The following SLC14A2 variants were observed in gnomAD, a reference collection of about 807,000 sequenced individuals.
SLC14A2 encodes solute carrier family 14 member 2.
Under a neutral mutation model 104.6 loss-of-function variants are expected in SLC14A2, and 91 were observed. The ratio of observed to expected loss-of-function variants is 0.87; its 90% confidence interval spans 0.73 to 1.04. The LOEUF is 1.04. Among genes scored for constraint, SLC14A2 ranks in the 50% least tolerant of loss-of-function variants. The pLI is 0.00. For synonymous variants in SLC14A2, 476 were observed against 466.4 expected, an observed-to-expected ratio of 1.02 and a Z score of -0.27; for missense variants, 1,189 against 1,156.0, an observed-to-expected ratio of 1.03 and a Z score of -0.41.
chr18:45,667,325 C>T (rs1444313014), intron 13 of SLC14A2, among the ~76,000 whole-genome samples: 2 of 152,158 alleles, frequency 1.3e-5, no homozygotes, highest in African/African-American at 4.8e-5. Context: ...GCTCTCATTT[C>T]TGAACAGAAC....
chr18:45,663,919 C>T lies in SLC14A2; in HGVS notation c.1474+12C>T. 6.2e-7 allele frequency: 1 copy of T among 1,604,604 alleles called. No individual in the cohort carries two copies. Among genetic ancestry groups the T allele is most frequent in the Non-Finnish European group, 8.5e-7 (1 of 1,175,166 alleles). ...GAGGAGGAGCAAAGGTGTGCATGTC[C>T]TCCCCCTCACGCTTGGATCCCTGCC... On this transcript the variant is annotated intron_variant, in intron 11 of 19. Coordinates refer to ENST00000255226, the MANE Select transcript of SLC14A2 (RefSeq NM_007163.4).
intron 16 of SLC14A2, among the ~76,000 whole-genome samples, chr18:45,671,056 C>T (rs758880631): frequency 2.6e-5 from 4 of 152,180 alleles, no homozygotes; most frequent in Non-Finnish European, 5.9e-5. Flanking sequence ...GCTGGCAGTT[C>T]AGCTTCTTAA....
At chr18:45,428,038 A>T (rs2086460183) in intron 1 of SLC14A2, among the ~76,000 whole-genome samples, 1 of 152,242 alleles carries the variant, frequency 6.6e-6, no homozygotes, top group Admixed American at 6.5e-5. Context: ...CACTGTTTAT[A>T]GCAAGTCTGC....
At chr18:45,287,063 A>G (rs1457048912) in intron 1 of SLC14A2, among the ~76,000 whole-genome samples, 1 of 152,182 alleles carries the variant, frequency 6.6e-6, no homozygotes, top group Non-Finnish European at 1.5e-5. Context: ...CCATTTGCAC[A>G]TTGTCTCATT....
intron 2 of SLC14A2, among the ~76,000 whole-genome samples, chr18:45,566,520 C>T (rs527336394): frequency 2.3e-3 from 31 of 13,776 alleles, no homozygotes; most frequent in African/African-American, 3.3e-3. Flanking sequence ...CGCTCGCACA[C>T]ACACACACAC....
At chr18:45,517,480 G>T (rs747838065) in intron 2 of SLC14A2, among the ~76,000 whole-genome samples, 1 of 152,152 alleles carries the variant, frequency 6.6e-6, no homozygotes, top group Middle Eastern at 3.2e-3. Context: ...GAATTAAAAG[G>T]TCTAGAGTGG....
chr18:45,470,707 G>A (rs944571681), intron 1 of SLC14A2, among the ~76,000 whole-genome samples: 2 of 152,050 alleles, frequency 1.3e-5, no homozygotes, highest in African/African-American at 4.8e-5. Context: ...CATGTGTATA[G>A]TTCCTCTTCT....
chr18:45,377,271 CTTCTT>C (rs1222330085), intron 1 of SLC14A2, among the ~76,000 whole-genome samples: 3 of 150,864 alleles, frequency 2.0e-5, no homozygotes, highest in Non-Finnish European at 4.4e-5. Flanking sequence ...TTACTACCTT[CTTCTT>C]TTCTTTTCCC....
chr18:45,418,275 A>G (rs1016065182), intron 1 of SLC14A2, among the ~76,000 whole-genome samples: 1 of 152,330 alleles, frequency 6.6e-6, no homozygotes, highest in African/African-American at 2.4e-5. Context: ...AGACATAAAG[A>G]ACCTGGATAG....
intron 2 of SLC14A2, among the ~76,000 whole-genome samples, chr18:45,550,570 G>A (rs2044042527): frequency 6.6e-6 from 1 of 152,102 alleles, no homozygotes; most frequent in Non-Finnish European, 1.5e-5. Flanking sequence ...GATCCTAACA[G>A]ATAAATGAAT....
At chr18:45,621,437 T>C (rs1463680654) in intron 1 of SLC14A2, among the ~76,000 whole-genome samples, 1 of 152,192 alleles carries the variant, frequency 6.6e-6, no homozygotes, top group East Asian at 1.9e-4. Context: ...TGACAGGGGG[T>C]TCTGCCTGCA....
chr18:45,326,267 C>A (rs1301274613), intron 1 of SLC14A2, among the ~76,000 whole-genome samples: 2 of 152,082 alleles, frequency 1.3e-5, no homozygotes, highest in Non-Finnish European at 2.9e-5. Flanking sequence ...CACCTGAATG[C>A]AAGTTTTTCA....
At chr18:45,466,672 G>T (rs2087148527) in intron 1 of SLC14A2, among the ~76,000 whole-genome samples, 1 of 150,694 alleles carries the variant, frequency 6.6e-6, no homozygotes, top group Non-Finnish European at 1.5e-5. Context: ...AACAAGTAGG[G>T]TAGTCATAAG....
chr18:45,207,443 C>T, the SLC14A2 span, among the ~76,000 whole-genome samples: 5 of 147,520 alleles, frequency 3.4e-5, no homozygotes, highest in South Asian at 2.2e-4. Context: ...AAAGAGAAAG[C>T]GTAGGGGATG....
At chr18:45,276,848 T>C (rs1217338344) in intron 1 of SLC14A2, among the ~76,000 whole-genome samples, 2 of 152,224 alleles carry the variant, frequency 1.3e-5, no homozygotes, top group African/African-American at 4.8e-5. Flanking sequence ...GACCCGACTT[T>C]CCACTGTAGC....
chr18:45,578,295 C>T (rs1045985750), intron 2 of SLC14A2, among the ~76,000 whole-genome samples: 2 of 152,198 alleles, frequency 1.3e-5, no homozygotes, highest in South Asian at 2.1e-4. Context: ...TCATGTGGTT[C>T]GTTATGACTT....
At chr18:45,676,011 A>T (rs2046224796) in intron 18 of SLC14A2, among the ~76,000 whole-genome samples, 2 of 152,096 alleles carry the variant, frequency 1.3e-5, no homozygotes, top group African/African-American at 4.8e-5. Context: ...ATTAACTTTA[A>T]CTTCTTAATA....
At chr18:45,203,722 C>T in the SLC14A2 span, among the ~76,000 whole-genome samples, 3 of 152,204 alleles carry the variant, frequency 2.0e-5, no homozygotes, top group African/African-American at 7.2e-5. Flanking sequence ...ACAGCACCCC[C>T]ATACCCTAAT....
intron 2 of SLC14A2, among the ~76,000 whole-genome samples, chr18:45,576,394 C>T (rs1034447428): frequency 6.6e-6 from 1 of 151,126 alleles, no homozygotes; most frequent in African/African-American, 2.4e-5. Context: ...AGCAATTCTC[C>T]TCCCTCGGTC....
Sources: allele counts gnomAD v4.1 joint callset (sites outside exome capture counted in the v4.1 genomes callset), GRCh38; gene constraint gnomAD v4.1.1; transcripts MANE v1.5; gene names NCBI Gene and HGNC (gene_info 2026-07-23, HGNC 2026-07-21).